Variants in ACAT1 observed in about 807,000 individuals in gnomAD.
The protein encoded by ACAT1 is acetyl-CoA acetyltransferase 1.
A neutral mutation model predicts 47.3 loss-of-function variants in ACAT1; 28 were observed. The observed-to-expected ratio is 0.59, with a 90% confidence interval of 0.44 to 0.81. ACAT1 has a LOEUF of 0.81. Ranked by LOEUF, ACAT1 falls within the 30% of genes least tolerant of loss-of-function variation. The probability of loss-of-function intolerance (pLI) is 0.00; values close to 1 mark genes in which losing one functional copy is unlikely to be tolerated. For missense variants in ACAT1, 469 were observed against 524.3 expected, an observed-to-expected ratio of 0.89 and a Z score of 1.03; for synonymous variants, 181 against 173.6, an observed-to-expected ratio of 1.04 and a Z score of -0.34.
intron 11 of ACAT1, 60 bp from the exon 12 acceptor site, chr11:108,147,210 A>G: frequency 1.3e-6 from 2 of 1,593,058 alleles, no homozygotes; most frequent in Admixed American, 1.7e-5. Context: ...GAATAGAAAC[A>G]TTTTGGTTAG....
chr11:108,128,266 A>C (rs2077289334), intron 1 of ACAT1, among the ~76,000 whole-genome samples: 1 of 152,116 alleles, frequency 6.6e-6, no homozygotes, highest in Non-Finnish European at 1.5e-5. Context: ...ACTGTAGGTA[A>C]CCTGGAGAAC....
intron 6 of ACAT1, among the ~76,000 whole-genome samples, chr11:108,139,420 G>A (rs1400897544): frequency 2.6e-5 from 4 of 151,776 alleles, no homozygotes; most frequent in South Asian, 2.1e-4. Context: ...GTGAGACCCT[G>A]TCTCTATTAA....
chr11:108,142,574 C>G, intron 9 of ACAT1, 24 bp downstream of exon 9: 1 of 1,574,988 alleles, frequency 6.3e-7, no homozygotes, highest in Non-Finnish European at 8.7e-7. Flanking sequence ...AGGTGGCTCA[C>G]ACCTGTAATC....
At chr11:108,135,107 ATCGG>A in intron 4 of ACAT1, 31 bp from the exon 5 acceptor site, 1 of 1,459,152 alleles carries the variant, frequency 6.9e-7, no homozygotes, top group Non-Finnish European at 9.6e-7. Context: ...GTGTTTGAGT[ATCGG>A]TTTTTCAAAA....
intron 1 of ACAT1, among the ~76,000 whole-genome samples, chr11:108,131,456 A>G (rs971994146): frequency 2.1e-5 from 3 of 144,222 alleles, no homozygotes; most frequent in South Asian, 2.2e-4. Flanking sequence ...GGTTCAAGCT[A>G]TTCTCCTGCC....
At chr11:108,117,281 G>A (rs950114811), upstream of ACAT1, among the ~76,000 whole-genome samples, 2 of 151,532 alleles carry the variant, frequency 1.3e-5, no homozygotes, top group African/African-American at 2.4e-5. Context: ...ACTCCAGCCT[G>A]GGTGACAGAG....
chr11:108,134,273 A>T lies in ACAT1; in HGVS notation c.291A>T (p.Gly97=), dbSNP rs746216662. 5 of 1,613,482 alleles carry T rather than the reference A, an allele frequency of 3.1e-6. No individual in the cohort carries two copies. The highest frequency in any genetic ancestry group is 4.2e-6 in the Non-Finnish European group (5 of 1,179,776). The change falls in exon 4 of 12, where the codon GGA becomes GGT. Residue 97 remains glycine (G), a synonymous_variant. Coordinates refer to ENST00000265838, the MANE Select transcript of ACAT1 (RefSeq NM_000019.4). ...KEAYMGNVLQ[G]GEGQAPTRQA... ...CATACATGGGTAATGTTCTACAAGGAGGTGAAGGACAAGCTCCTACAAGGC... is the reference window on the plus strand; with the variant it reads ...CATACATGGGTAATGTTCTACAAGGTGGTGAAGGACAAGCTCCTACAAGGC...
chr11:108,127,624 A>G (rs536559825), intron 1 of ACAT1, among the ~76,000 whole-genome samples: 2 of 152,124 alleles, frequency 1.3e-5, no homozygotes, highest in Non-Finnish European at 2.9e-5. Context: ...TAGTGAAGTT[A>G]AATTAAAAGA....
Position 108,143,977 on chromosome 11 carries a change from A to C in ACAT1, c.941-6A>C. On this transcript the variant is annotated splice_polypyrimidine_tract_variant and splice_region_variant and intron_variant, in intron 9 of 11. Transcript: ENST00000265838. Reference sequence around the variant, plus strand: ...TAACAACCCCCCCCCCCCTTTTTTTAAACAGCATTTGCTGACGCTGCTGTA... The same window carrying C: ...TAACAACCCCCCCCCCCCTTTTTTTCAACAGCATTTGCTGACGCTGCTGTA... The C allele has an allele frequency of 1.6e-6, 1 of 639,570 alleles. No homozygotes were observed. Among genetic ancestry groups the C allele is most frequent in the Non-Finnish European group, 2.7e-6 (1 of 366,450 alleles). 39.6% of individuals were successfully genotyped at this position (639,570 alleles called of 1,614,324 possible). A position where few individuals can be genotyped will look rare whatever the true frequency, so the allele number is the denominator to read the frequency against.
intron 1 of ACAT1, among the ~76,000 whole-genome samples, chr11:108,131,372 T>TTTTTTTTTTTTTTTTTTTTTTTTTTTTA (rs1555031491): frequency 7.0e-6 from 1 of 142,360 alleles, no homozygotes; most frequent in African/African-American, 2.6e-5. Flanking sequence ...TTTTTTTTTT[T>TTTTTTTTTTTTTTTTTTTTTTTTTTTTA]AGACAGTCTT....
chr11:108,118,418 AG>A (rs1864991947), upstream of ACAT1, among the ~76,000 whole-genome samples: 1 of 151,596 alleles, frequency 6.6e-6, no homozygotes, highest in South Asian at 2.1e-4. Flanking sequence ...TCTGTCACCC[AG>A]GCTGTAGTGC....
intron 11 of ACAT1, among the ~76,000 whole-genome samples, chr11:108,146,872 G>GAGAT (rs1412133366): frequency 6.6e-6 from 1 of 152,238 alleles, no homozygotes; most frequent in Non-Finnish European, 1.5e-5. Context: ...ACGAGGTCAA[G>GAGAT]AGATAGAGGC....
At chr11:108,145,081 T>C (rs1023672038) in intron 10 of ACAT1, among the ~76,000 whole-genome samples, 4 of 152,030 alleles carry the variant, frequency 2.6e-5, no homozygotes, top group Non-Finnish European at 5.9e-5. Context: ...AAATTTCTTC[T>C]GTAAAGAAAA....
In ACAT1 at chr11:108,143,968, CCT is replaced by C. The variant is rs1491519629; in HGVS notation, c.941-14_941-13del. 4.1e-5 allele frequency: 35 copies of C among 858,730 alleles called. No individual in the cohort carries two copies. The highest frequency in any genetic ancestry group is 5.7e-5 in the Non-Finnish European group (32 of 557,506). The allele number at this position is 858,730 out of a possible 1,614,324, so 53.2% of individuals were successfully genotyped here. The stretch of plus-strand genomic sequence containing the variant: ...AAAAGATTTTAACAACCCCCCCCCC[CCT>C]TTTTTTAAACAGCATTTGCTGACGC... On this transcript the variant is annotated splice_polypyrimidine_tract_variant and intron_variant, in intron 9 of 11. Transcript: ENST00000265838.
chr11:108,121,434 C>G, upstream of ACAT1: 1 of 726,928 alleles, frequency 1.4e-6, no homozygotes, highest in Non-Finnish European at 2.4e-6. Flanking sequence ...GCTGCGGTGT[C>G]CCAGCGCCAG....
upstream of ACAT1, among the ~76,000 whole-genome samples, chr11:108,116,952 T>G (rs1864962466): frequency 6.6e-6 from 1 of 152,144 alleles, no homozygotes; most frequent in African/African-American, 2.4e-5. Flanking sequence ...GGTGGTAATT[T>G]GCTGCTGCAA....
At chr11:108,122,399 G>A (rs1181993611) in intron 1 of ACAT1, among the ~76,000 whole-genome samples, 2 of 152,244 alleles carry the variant, frequency 1.3e-5, no homozygotes, top group Non-Finnish European at 2.9e-5. Flanking sequence ...TCAGGAATAG[G>A]TAGAGACCTT....
chr11:108,121,629 T>C lies in ACAT1; in HGVS notation c.23T>C (p.Leu8Pro). The C allele has an allele frequency of 6.4e-7, 1 of 1,550,902 alleles. No homozygotes were observed. Among genetic ancestry groups the C allele is most frequent in the African/African-American group, 1.4e-5 (1 of 73,276 alleles). ...ACCATGGCTGTGCTGGCGGCACTTC[T>C]GCGCAGCGGCGCCCGCAGCCGCAGC... MAVLAAL[L>P]RSGARSRSPL... is the part of the protein sequence containing the mutation. The change falls in exon 1 of 12, where the codon CTG (leucine) becomes CCG (proline). Residue 8 changes from leucine to proline, a missense_variant. Transcript: ENST00000265838.
At chr11:108,145,347 T>C (rs2077683264) in intron 10 of ACAT1, among the ~76,000 whole-genome samples, 1 of 152,216 alleles carries the variant, frequency 6.6e-6, no homozygotes, top group African/African-American at 2.4e-5. Context: ...ATATCACTAA[T>C]ATTAGAAACT....
Sources: allele counts gnomAD v4.1 joint callset (sites outside exome capture counted in the v4.1 genomes callset), GRCh38; gene constraint gnomAD v4.1.1; transcripts MANE v1.5; gene names NCBI Gene and HGNC (gene_info 2026-07-23, HGNC 2026-07-21).